ZRANB3: variants seen among roughly 807,000 people sequenced by gnomAD.
ZRANB3 encodes zinc finger RANBP2-type containing 3, also known as DNA annealing helicase and endonuclease ZRANB3.
In ZRANB3, 125 loss-of-function variants were observed where a neutral mutation model predicts 133.8. That is an observed-to-expected ratio of 0.93 (90% CI 0.81 to 1.08). ZRANB3 has a LOEUF of 1.08. ZRANB3 is among the 50% of genes least tolerant of loss of function. The probability of loss-of-function intolerance (pLI) is 0.00; values close to 1 mark genes in which losing one functional copy is unlikely to be tolerated. For synonymous variants in ZRANB3, 387 were observed against 432.7 expected, an observed-to-expected ratio of 0.89 and a Z score of 1.31; for missense variants, 1,229 against 1,275.5, an observed-to-expected ratio of 0.96 and a Z score of 0.56.
intron 3 of ZRANB3, among the ~76,000 whole-genome samples, chr2:135,388,551 A>C (rs1431223588): frequency 6.6e-6 from 1 of 152,122 alleles, no homozygotes; most frequent in African/African-American, 2.4e-5. Flanking sequence ...TTTTCTGTGG[A>C]CCTCAGCTGG....
intron 2 of ZRANB3, among the ~76,000 whole-genome samples, chr2:135,401,357 T>TA (rs1184447186): frequency 2.0e-5 from 3 of 152,342 alleles, no homozygotes; most frequent in African/African-American, 7.2e-5. Context: ...ATGTGATCTT[T>TA]ATGTGATGAA....
intron 3 of ZRANB3, among the ~76,000 whole-genome samples, chr2:135,360,176 C>T (rs1334325485): frequency 2.7e-5 from 4 of 150,896 alleles, no homozygotes; most frequent in African/African-American, 7.3e-5. Flanking sequence ...GTCAGGAGTT[C>T]GAGACTAGCC....
chr2:135,348,050 G>C (rs1366416366), intron 5 of ZRANB3, among the ~76,000 whole-genome samples: 1 of 152,092 alleles, frequency 6.6e-6, no homozygotes, highest in Non-Finnish European at 1.5e-5. Flanking sequence ...CTTGAGGCCA[G>C]GAGTTTGAGA....
intron 2 of ZRANB3, among the ~76,000 whole-genome samples, chr2:135,416,223 C>T (rs935439752): frequency 1.3e-5 from 2 of 151,890 alleles, no homozygotes; most frequent in African/African-American, 4.8e-5. Context: ...CGTCTCAGCC[C>T]AAAATCTCCT....
chr2:135,271,647 ATT>A, intron 10 of ZRANB3, 119 bp downstream of exon 10: 1 of 1,164,980 alleles, frequency 8.6e-7, no homozygotes, highest in East Asian at 2.6e-5. Flanking sequence ...AAGAATTACT[ATT>A]TATTATACAA....
intron 15 of ZRANB3, 81 bp from the exon 16 acceptor site, chr2:135,219,259 A>G (rs1694438385): frequency 1.1e-6 from 1 of 889,682 alleles, no homozygotes; most frequent in Non-Finnish European, 1.7e-6. Flanking sequence ...TAATTACATT[A>G]TGACACAATA....
chr2:135,295,172 T>C (rs1681990854), intron 8 of ZRANB3, among the ~76,000 whole-genome samples: 1 of 152,194 alleles, frequency 6.6e-6, no homozygotes, highest in African/African-American at 2.4e-5. Context: ...ATGTTGATAG[T>C]GGGGTGTTAA....
intron 2 of ZRANB3, among the ~76,000 whole-genome samples, chr2:135,410,090 C>T (rs1688233774): frequency 6.6e-6 from 1 of 152,134 alleles, no homozygotes; most frequent in East Asian, 1.9e-4. Context: ...CAATGCTATT[C>T]CTATCAAACT....
chr2:135,339,104 G>A (rs192101838), intron 6 of ZRANB3, among the ~76,000 whole-genome samples: 28 of 152,028 alleles, frequency 1.8e-4, no homozygotes, highest in East Asian at 9.7e-4. Flanking sequence ...CTGACACCCC[G>A]TATCTACAAA....
At chr2:135,220,159 C>T (rs1694479607) in intron 15 of ZRANB3, among the ~76,000 whole-genome samples, 1 of 152,072 alleles carries the variant, frequency 6.6e-6, no homozygotes. Flanking sequence ...CCCGCCTCCG[C>T]CTCCCAAAGT....
chr2:135,402,120 A>C (rs1687759913), intron 2 of ZRANB3, among the ~76,000 whole-genome samples: 1 of 151,898 alleles, frequency 6.6e-6, no homozygotes, highest in African/African-American at 2.4e-5. Flanking sequence ...ATAATACAAA[A>C]ATTTTAAGTA....
At chr2:135,345,374 A>T (rs1684867784) in intron 6 of ZRANB3, 176 bp downstream of exon 6, 1 of 513,790 alleles carries the variant, frequency 1.9e-6, no homozygotes, top group Admixed American at 3.7e-5. Context: ...AGGCTAAGGC[A>T]GAAGAATCGA....
chr2:135,510,089 T>C (rs569240918), intron 1 of ZRANB3, among the ~76,000 whole-genome samples: 65 of 152,334 alleles, frequency 4.3e-4, no homozygotes, highest in Non-Finnish European at 6.5e-4. Flanking sequence ...AGTAACAATT[T>C]GGGGTTTTCC....
At chr2:135,388,399 A>G (rs1303975737) in intron 3 of ZRANB3, among the ~76,000 whole-genome samples, 1 of 152,186 alleles carries the variant, frequency 6.6e-6, no homozygotes, top group East Asian at 1.9e-4. Flanking sequence ...GGTGAATTCC[A>G]TAGATTTAAG....
At chr2:135,492,065 G>A (rs1295745629) in intron 2 of ZRANB3, among the ~76,000 whole-genome samples, 1 of 151,960 alleles carries the variant, frequency 6.6e-6, no homozygotes, top group African/African-American at 2.4e-5. Flanking sequence ...AATTACTAAT[G>A]GTTTATACTA....
At chr2:135,354,815 G>A (rs763798812) in intron 3 of ZRANB3, among the ~76,000 whole-genome samples, 6 of 152,050 alleles carry the variant, frequency 3.9e-5, no homozygotes, top group Admixed American at 6.6e-5. Context: ...GAATGGAGTC[G>A]GTCTATACCT....
At position 135,218,643 on chromosome 2, in the gene ZRANB3, C is replaced by T. The variant is rs75434891; in HGVS notation, c.2352+434G>A. The stretch of plus-strand genomic sequence containing the variant: ...CAGATCAGTGTTAAGACCTCCCTGG[C>T]AGGAACTTGGCCTGAAGCTGCATGC... On this transcript the variant is annotated intron_variant, in intron 16 of 20. Transcript: ENST00000264159. Among the ~76,000 whole-genome samples, 452 of 152,228 alleles carry T rather than the reference C, an allele frequency of 3.0e-3. 3 individuals are homozygous for T. Among genetic ancestry groups the T allele is most frequent in the African/African-American group, 0.01 (421 of 41,522 alleles).
chr2:135,274,530 C>G (rs1433663482), intron 9 of ZRANB3, among the ~76,000 whole-genome samples: 2 of 152,118 alleles, frequency 1.3e-5, no homozygotes, highest in Non-Finnish European at 2.9e-5. Context: ...AACGGTATAT[C>G]CAGGAACAAA....
chr2:135,259,379 T>G (rs1679829630), intron 12 of ZRANB3, among the ~76,000 whole-genome samples: 1 of 151,880 alleles, frequency 6.6e-6, no homozygotes, highest in African/African-American at 2.4e-5. Flanking sequence ...CTACATACAA[T>G]CTTTTGCAGC....
Sources: gnomAD v4.1 joint callset for allele counts (sites outside exome capture counted in the v4.1 genomes callset) on GRCh38, gnomAD v4.1.1 for gene constraint, MANE v1.5 for transcripts, NCBI Gene and HGNC (gene_info 2026-07-23, HGNC 2026-07-21) for gene names.